The following TESK2 variants were observed in gnomAD, a reference collection of about 807,000 sequenced individuals.
The protein encoded by TESK2 is testis associated actin remodelling kinase 2, also known as dual specificity testis-specific protein kinase 2.
In TESK2, 39 loss-of-function variants were observed where a neutral mutation model predicts 57.1. The observed-to-expected ratio is 0.68, with a 90% CI of 0.53 to 0.89. The LOEUF is 0.89. Ranked by LOEUF, TESK2 falls within the 40% of genes least tolerant of loss-of-function variation. The pLI, the probability that TESK2 is intolerant of heterozygous loss-of-function variation, is 0.00. For synonymous variants in TESK2, 249 were observed against 267.9 expected (o/e 0.93, Z 0.69); for missense variants, 646 against 732.1 (o/e 0.88, Z 1.36).
chr1:45,384,371 C>CGTACG (rs1557551256), intron 4 of TESK2, among the ~76,000 whole-genome samples: 9 of 135,026 alleles, frequency 6.7e-5, no homozygotes, highest in African/African-American at 2.6e-4. Flanking sequence ...ACGTATCTAT[C>CGTACG]TATCTATCTA....
chr1:45,354,815 A>AATATATATATATATATATATAT (rs199613712), intron 5 of TESK2, among the ~76,000 whole-genome samples: 1 of 40,674 alleles, frequency 2.5e-5, no homozygotes, highest in East Asian at 8.5e-4. Flanking sequence ...AAAAAAAAAA[A>AATATATATATATATATATATAT]ATATATATAT....
At position 45,418,208 on chromosome 1, in the gene TESK2, TA is replaced by T. The variant is rs139710347; in HGVS notation, c.344+3516del. ...CAATTATGTATCACTTCTGTAATAA[TA>T]AAAAAATTAAAATATTACTTCTTAA... On this transcript the variant is annotated intron_variant, in intron 3 of 10. Coordinates refer to ENST00000372086, the MANE Select transcript of TESK2 (RefSeq NM_007170.3). Among the ~76,000 whole-genome samples the T allele has an allele frequency of 3.6e-3, 551 of 152,276 alleles. 7 individuals are homozygous for T. The highest frequency in any genetic ancestry group is 0.031 in the East Asian group (162 of 5,188).
At chr1:45,436,181 C>CTTTTTTCTTTTTTTTTTTT (rs1651208705) in intron 2 of TESK2, among the ~76,000 whole-genome samples, 1 of 56,604 alleles carries the variant, frequency 1.8e-5, no homozygotes. Flanking sequence ...TTGGTATCTT[C>CTTTTTTCTTTTTTTTTTTT]TTTTTTTTTT....
chr1:45,460,475 A>T (rs1041318872), intron 1 of TESK2, among the ~76,000 whole-genome samples: 1 of 152,116 alleles, frequency 6.6e-6, no homozygotes, highest in Non-Finnish European at 1.5e-5. Flanking sequence ...AGCCGAGATC[A>T]TGCCATTGTA....
chr1:45,441,778 A>C (rs1444394685), intron 2 of TESK2, among the ~76,000 whole-genome samples: 2 of 151,508 alleles, frequency 1.3e-5, no homozygotes, highest in Admixed American at 6.6e-5. Flanking sequence ...CACCACGCCC[A>C]GCTAATTTTT....
chr1:45,487,175 T>G (rs1653522550), intron 1 of TESK2, among the ~76,000 whole-genome samples: 1 of 152,126 alleles, frequency 6.6e-6, no homozygotes, highest in South Asian at 2.1e-4. Context: ...ATGTCAAGCT[T>G]ACAAAGGATT....
chr1:45,399,468 C>A (rs893552573), intron 3 of TESK2, among the ~76,000 whole-genome samples: 4 of 152,198 alleles, frequency 2.6e-5, no homozygotes, highest in African/African-American at 9.7e-5. Context: ...GCATGCGCCA[C>A]CACACCCAGC....
At chr1:45,430,328 A>C (rs1650898928) in intron 2 of TESK2, among the ~76,000 whole-genome samples, 1 of 151,942 alleles carries the variant, frequency 6.6e-6, no homozygotes, top group Admixed American at 6.6e-5. Flanking sequence ...TCTCTACAAA[A>C]AAAAATACAA....
At chr1:45,438,631 T>G (rs946557644) in intron 2 of TESK2, among the ~76,000 whole-genome samples, 4 of 152,202 alleles carry the variant, frequency 2.6e-5, no homozygotes, top group African/African-American at 4.8e-5. Flanking sequence ...TTCAGATTAT[T>G]TCATCACCTA....
chr1:45,387,803 T>A (rs541765891), intron 3 of TESK2, among the ~76,000 whole-genome samples: 7 of 152,156 alleles, frequency 4.6e-5, no homozygotes, highest in Non-Finnish European at 7.3e-5. Flanking sequence ...GGTCAGGAGT[T>A]CAAGACCACC....
intron 3 of TESK2, among the ~76,000 whole-genome samples, chr1:45,402,308 C>T (rs1649658427): frequency 6.7e-6 from 1 of 150,314 alleles, no homozygotes. Flanking sequence ...AGGAGGATCA[C>T]TTGAGGTCAG....
intron 1 of TESK2, among the ~76,000 whole-genome samples, chr1:45,482,600 TAAAA>T (rs34879699): frequency 5.8e-5 from 8 of 137,350 alleles, no homozygotes; most frequent in Non-Finnish European, 7.8e-5. Flanking sequence ...GGTCAGCCAT[TAAAA>T]AAAAAAAAAA....
intron 2 of TESK2, among the ~76,000 whole-genome samples, chr1:45,428,796 G>A (rs916596559): frequency 3.6e-5 from 5 of 138,008 alleles, no homozygotes; most frequent in Admixed American, 7.6e-5. Context: ...GAGCCACTGC[G>A]CCCAGCTCTT....
At chr1:45,421,885 C>T in intron 2 of TESK2, 39 bp from the exon 3 acceptor site, 2 of 1,609,944 alleles carry the variant, frequency 1.2e-6, no homozygotes, top group Non-Finnish European at 1.7e-6. Flanking sequence ...GGGTCAAGGG[C>T]AATAGTTATA....
chr1:45,406,190 C>T (rs1649839745), intron 3 of TESK2, among the ~76,000 whole-genome samples: 1 of 152,156 alleles, frequency 6.6e-6, no homozygotes, highest in East Asian at 1.9e-4. Context: ...GTGATCATGC[C>T]ACTGCACTCC....
chr1:45,424,930 A>G (rs1650628425), intron 2 of TESK2, among the ~76,000 whole-genome samples: 1 of 152,210 alleles, frequency 6.6e-6, no homozygotes, highest in Middle Eastern at 3.2e-3. Flanking sequence ...AAAGCCATAT[A>G]TGACAGACCC....
intron 1 of TESK2, among the ~76,000 whole-genome samples, chr1:45,461,937 C>T (rs1459835266): frequency 1.3e-5 from 2 of 152,162 alleles, no homozygotes; most frequent in Non-Finnish European, 2.9e-5. Flanking sequence ...ACAAACATTC[C>T]AATCGTACTC....
At chr1:45,406,325 A>G (rs1261429247) in intron 3 of TESK2, among the ~76,000 whole-genome samples, 1 of 152,186 alleles carries the variant, frequency 6.6e-6, no homozygotes, top group Non-Finnish European at 1.5e-5. Flanking sequence ...ATGTTAGGGC[A>G]AAATAAAGAC....
chr1:45,402,486 CT>C (rs577207332), intron 3 of TESK2, among the ~76,000 whole-genome samples: 10,380 of 141,960 alleles, frequency 0.073, 432 homozygotes, highest in Middle Eastern at 0.11. Flanking sequence ...ACTATTTTTT[CT>C]TTTTTTTTTT....
Sources: gnomAD v4.1 joint callset for allele counts (sites outside exome capture counted in the v4.1 genomes callset) on GRCh38, gnomAD v4.1.1 for gene constraint, MANE v1.5 for transcripts, NCBI Gene and HGNC (gene_info 2026-07-23, HGNC 2026-07-21) for gene names.